SLC1A6: variants seen among roughly 807,000 people sequenced by gnomAD.
SLC1A6 encodes the protein solute carrier family 1 member 6, also known as excitatory amino acid transporter 4.
In SLC1A6, 15 loss-of-function variants were observed where a neutral mutation model predicts 42.1. That is an observed-to-expected ratio of 0.36 (90% CI 0.24 to 0.55). The LOEUF is 0.55. SLC1A6 is among the 20% of genes least tolerant of loss of function. SLC1A6 has a pLI of 0.88. For synonymous variants in SLC1A6, 317 were observed against 319.7 expected (o/e 0.99, Z 0.09); for missense variants, 542 against 772.5 (o/e 0.70, Z 3.54).
intron 1 of SLC1A6, among the ~76,000 whole-genome samples, chr19:14,985,866 A>G (rs8106105): frequency 0.73 from 110,255 of 152,016 alleles, 40,351 homozygotes; most frequent in African/African-American, 0.83. Context: ...GCTGAGGCAG[A>G]AGAATTGTTT....
intron 1 of SLC1A6, chr19:14,977,568 C>G (rs1008490580): frequency 6.6e-6 from 1 of 152,176 alleles, no homozygotes; most frequent in Non-Finnish European, 1.5e-5. Context: ...CCGCTTGAGC[C>G]CAGGAGTTCA....
intron 4 of SLC1A6, among the ~76,000 whole-genome samples, chr19:14,966,208 T>C (rs757128742): frequency 3.9e-5 from 6 of 152,208 alleles, no homozygotes; most frequent in African/African-American, 9.6e-5. Context: ...AAATTTTTCA[T>C]AGGCCGGGCA....
chr19:14,981,822 C>T (rs1051886275), upstream of SLC1A6, among the ~76,000 whole-genome samples: 3 of 152,058 alleles, frequency 2.0e-5, no homozygotes, highest in Non-Finnish European at 4.4e-5. Context: ...GAGAGGCATC[C>T]GATAATCTAC....
chr19:15,001,013 T>A (rs966329617), intron 1 of SLC1A6, among the ~76,000 whole-genome samples: 20 of 152,226 alleles, frequency 1.3e-4, no homozygotes, highest in Admixed American at 9.8e-4. Context: ...GTTTGAAGGT[T>A]GAACAGCTAG....
intron 1 of SLC1A6, among the ~76,000 whole-genome samples, chr19:14,995,670 T>TA (rs2045842809): frequency 6.6e-6 from 1 of 152,206 alleles, no homozygotes; most frequent in Admixed American, 6.5e-5. Flanking sequence ...ATACATGATA[T>TA]ACAGATACAA....
intron 6 of SLC1A6, among the ~76,000 whole-genome samples, chr19:14,960,948 G>A (rs915340254): frequency 4.1e-5 from 4 of 98,602 alleles, no homozygotes; most frequent in Non-Finnish European, 5.8e-5. Flanking sequence ...TTTTTTTTGA[G>A]ACTGGGTCTC....
chr19:14,992,742 A>G (rs1344274471), intron 1 of SLC1A6, among the ~76,000 whole-genome samples: 3 of 151,956 alleles, frequency 2.0e-5, no homozygotes, highest in Non-Finnish European at 4.4e-5. Flanking sequence ...CACTCTGACC[A>G]AAGGCTCCAA....
intron 1 of SLC1A6, among the ~76,000 whole-genome samples, chr19:14,988,223 G>A (rs2045802362): frequency 6.6e-6 from 1 of 152,184 alleles, no homozygotes; most frequent in South Asian, 2.1e-4. Flanking sequence ...TTGTATGAGG[G>A]TGAAGTTTGG....
chr19:14,994,703 G>A (rs1209965178), intron 1 of SLC1A6, among the ~76,000 whole-genome samples: 1 of 152,200 alleles, frequency 6.6e-6, no homozygotes, highest in East Asian at 1.9e-4. Flanking sequence ...AAAGGGAAAA[G>A]TCAAGCTGGG....
chr19:15,002,558 C>T (rs1005288609), intron 1 of SLC1A6, among the ~76,000 whole-genome samples: 3 of 152,178 alleles, frequency 2.0e-5, no homozygotes, highest in African/African-American at 7.2e-5. Flanking sequence ...CTGTTGGTTA[C>T]AAGTGACACA....
In SLC1A6 at chr19:14,954,188, G is replaced by A. The variant is rs116331543; in HGVS notation, c.1311C>T (p.Phe437=). The A allele has an allele frequency of 1.0e-3, 1,649 of 1,613,936 alleles. 6 individuals carry two copies. The African/African-American group carries it at 0.017, about 16-fold the overall frequency. Residue 437 remains phenylalanine, a synonymous_variant, in exon 8 of 10, where the codon TTC becomes TTT. Coordinates refer to ENST00000594383, the MANE Select transcript of SLC1A6 (RefSeq NM_005071.3). ...GCTCGTAGTTGTTAACTTGAGCAAT[G>A]AAGATGGCAGCCAGGGCCTCGTAGA... ...TALYEALAAI[F]IAQVNNYELN...
In SLC1A6 at chr19:14,968,355, C is replaced by G. The variant is rs2045597606; in HGVS notation, c.496G>C (p.Glu166Gln). The change falls in exon 4 of 10, where the codon GAG becomes CAG. Residue 166 changes from glutamate to glutamine, a missense_variant. By Grantham distance (29) the Glu-to-Gln change is conservative. This residue lies in a region of SLC1A6 where 298 missense variants were observed against 419.4 expected (regional missense o/e 0.71). Transcript: ENST00000594383. Reference sequence around the variant, plus strand: ...GTGGGGATGGTCTCGATCCGGCCCTCCCGGTGCAGCCCCTCCTTGGAGCCC... The same window carrying G: ...GTGGGGATGGTCTCGATCCGGCCCTGCCGGTGCAGCCCCTCCTTGGAGCCC... The part of the protein sequence containing the change: ...GKGSKEGLHR[E>Q]GRIETIPTAD... 1.9e-6 allele frequency: 3 copies of G among 1,613,812 alleles called. No individual in the cohort carries two copies. The highest frequency in any genetic ancestry group is 1.7e-6 in the Non-Finnish European group (2 of 1,179,922).
At position 14,979,649 on chromosome 19, in the gene SLC1A6, G is replaced by A. The variant is rs1270289757; in HGVS notation, c.-348C>T. On this transcript the variant is annotated 5_prime_UTR_variant, in exon 1 of 10. Coordinates refer to ENST00000594383, the MANE Select transcript of SLC1A6 (RefSeq NM_005071.3). The surrounding 1 kb of genome is among the most constrained non-coding windows in gnomAD (Gnocchi z 4.2). ...AGGGACTGTGCAGCACCGGCGCGGGGACCGGACCGTGGAGGCACCGGCGCG... is the reference window on the plus strand; with the variant it reads ...AGGGACTGTGCAGCACCGGCGCGGGAACCGGACCGTGGAGGCACCGGCGCG... 1.3e-5 allele frequency: 2 copies of A among 151,828 alleles called. No individual in the cohort carries two copies. Among genetic ancestry groups the A allele is most frequent in the South Asian group, 4.1e-4 (2 of 4,820 alleles). 9.4% of individuals were successfully genotyped at this position (151,828 alleles called of 1,614,324 possible). A position where few individuals can be genotyped will look rare whatever the true frequency, so the allele number is the denominator to read the frequency against.
intron 5 of SLC1A6, among the ~76,000 whole-genome samples, chr19:14,963,034 C>A (rs2045533181): frequency 6.6e-6 from 1 of 152,118 alleles, no homozygotes; most frequent in South Asian, 2.1e-4. Context: ...TCACAATAGC[C>A]AAGATATGAA....
intron 1 of SLC1A6, among the ~76,000 whole-genome samples, chr19:15,002,220 G>T (rs1718711059): frequency 6.6e-6 from 1 of 152,130 alleles, no homozygotes; most frequent in Non-Finnish European, 1.5e-5. Context: ...CTCTTGAGTA[G>T]CTCAGATTCC....
upstream of SLC1A6, among the ~76,000 whole-genome samples, chr19:14,984,144 T>A (rs574507692): frequency 4.6e-5 from 7 of 152,206 alleles, no homozygotes; most frequent in African/African-American, 1.7e-4. Flanking sequence ...ACCCCGTCTC[T>A]ACTAAAAATA....
intron 4 of SLC1A6, among the ~76,000 whole-genome samples, chr19:14,966,569 A>T (rs1346193260): frequency 6.6e-6 from 1 of 152,198 alleles, no homozygotes; most frequent in African/African-American, 2.4e-5. Flanking sequence ...AATTTAGTTA[A>T]TTTTTTAAAA....
chr19:14,962,142 G>C lies in SLC1A6; in HGVS notation c.795C>G (p.Gly265=). 6.2e-7 allele frequency: 1 copy of C among 1,614,198 alleles called. No individual in the cohort carries two copies. Among genetic ancestry groups the C allele is most frequent in the Non-Finnish European group, 8.5e-7 (1 of 1,180,032 alleles). ...AGACCACGAGGCCCAGGGCGTTGAT[G>C]CCATTGGCGGAGCCAGGCACGGGTA... The part of the protein sequence containing the change: ...ETVPVPGSAN[G]INALGLVVFS... Residue 265 remains glycine (G), a synonymous_variant, in exon 6 of 10, where the codon GGC becomes GGG. Coordinates refer to ENST00000594383, the MANE Select transcript of SLC1A6 (RefSeq NM_005071.3).
At chr19:14,961,880 A>AG in intron 6 of SLC1A6, 122 bp downstream of exon 6, 1 of 1,424,688 alleles carries the variant, frequency 7.0e-7, no homozygotes, top group Non-Finnish European at 9.3e-7. Flanking sequence ...TGAGTGGGTA[A>AG]GTGAATCACC....
Sources: gnomAD v4.1 joint callset for allele counts (sites outside exome capture counted in the v4.1 genomes callset) on GRCh38, gnomAD v4.1.1 for gene constraint, gnomAD v4.1.1 regional missense constraint, Gnocchi (gnomAD v3.1) non-coding constraint, MANE v1.5 for transcripts, NCBI Gene and HGNC (gene_info 2026-07-23, HGNC 2026-07-21) for gene names.